The following ADAMTSL1 variants were observed in gnomAD, a reference collection of about 807,000 sequenced individuals.
ADAMTSL1 encodes the protein ADAMTS-like protein 1.
In ADAMTSL1, 126 loss-of-function variants were observed where a neutral mutation model predicts 201.8. The observed-to-expected ratio is 0.62, with a 90% CI of 0.54 to 0.72. The LOEUF is 0.72. ADAMTSL1 is among the 30% of genes least tolerant of loss of function. The probability of loss-of-function intolerance (pLI) is 0.00; values close to 1 mark genes in which losing one functional copy is unlikely to be tolerated. For synonymous variants in ADAMTSL1, 1,121 were observed against 903.4 expected (o/e 1.24, Z -4.32); for missense variants, 2,679 against 2,277.8 (o/e 1.18, Z -3.59).
chr9:18,574,298 C>G (rs1481633372), intron 4 of ADAMTSL1, 32 bp downstream of exon 4: 3 of 1,567,746 alleles, frequency 1.9e-6, no homozygotes, highest in Non-Finnish European at 2.6e-6. Flanking sequence ...TTCAACTTGT[C>G]CAGAGGGTTT....
chr9:18,625,452 A>G (rs932494047), intron 5 of ADAMTSL1, among the ~76,000 whole-genome samples: 1 of 152,088 alleles, frequency 6.6e-6, no homozygotes, highest in Admixed American at 6.6e-5. Context: ...AGACATTACA[A>G]TTGCCTAATA....
intron 26 of ADAMTSL1, among the ~76,000 whole-genome samples, chr9:18,897,706 T>A (rs72692474): frequency 6.6e-6 from 1 of 152,028 alleles, no homozygotes; most frequent in African/African-American, 2.4e-5. Flanking sequence ...CATTCAAAGG[T>A]CAGCAACCTC....
chr9:18,410,822 T>A (rs542167136), intron 2 of ADAMTSL1, among the ~76,000 whole-genome samples: 2 of 150,932 alleles, frequency 1.3e-5, no homozygotes, highest in East Asian at 3.9e-4. Flanking sequence ...TTTAATCGAC[T>A]GGTAGATTTT....
chr9:17,946,280 T>C (rs1415427819), intron 1 of ADAMTSL1, among the ~76,000 whole-genome samples: 2 of 152,020 alleles, frequency 1.3e-5, no homozygotes, highest in East Asian at 3.9e-4. Context: ...ATTACAGGCT[T>C]GAACCATCAT....
intron 13 of ADAMTSL1, among the ~76,000 whole-genome samples, chr9:18,701,977 T>C (rs1003101669): frequency 7.9e-5 from 12 of 152,190 alleles, no homozygotes; most frequent in South Asian, 2.1e-4. Context: ...TAATTGGACT[T>C]ACAGTTCCAT....
At chr9:18,622,130 T>C in intron 4 of ADAMTSL1, 113 bp from the exon 5 acceptor site, 2 of 1,363,990 alleles carry the variant, frequency 1.5e-6, no homozygotes, top group Non-Finnish European at 1.0e-6. Context: ...TCACGGGGTA[T>C]GTTTTAGGCC....
intron 7 of ADAMTSL1, among the ~76,000 whole-genome samples, chr9:18,649,810 C>G (rs1052003005): frequency 6.6e-6 from 1 of 152,120 alleles, no homozygotes; most frequent in Non-Finnish European, 1.5e-5. Context: ...TGGGGGGTGC[C>G]TCCCAGTTAG....
At chr9:17,949,809 AG>A (rs1210107111) in intron 1 of ADAMTSL1, among the ~76,000 whole-genome samples, 2 of 152,180 alleles carry the variant, frequency 1.3e-5, no homozygotes, top group African/African-American at 4.8e-5. Flanking sequence ...GTGGATTTCC[AG>A]GTCTGTGACA....
At chr9:18,601,491 T>A (rs1009955550) in intron 4 of ADAMTSL1, among the ~76,000 whole-genome samples, 6 of 152,128 alleles carry the variant, frequency 3.9e-5, no homozygotes, top group Non-Finnish European at 7.4e-5. Flanking sequence ...GGGAAGAGAG[T>A]CTGGCCTAGT....
At chr9:18,545,308 A>G (rs1428376145) in intron 3 of ADAMTSL1, among the ~76,000 whole-genome samples, 1 of 152,178 alleles carries the variant, frequency 6.6e-6, no homozygotes, top group Non-Finnish European at 1.5e-5. Context: ...ACAGCTAAGG[A>G]GTGGTCCTGT....
At chr9:18,510,526 G>A (rs1353472375) in intron 2 of ADAMTSL1, among the ~76,000 whole-genome samples, 2 of 152,066 alleles carry the variant, frequency 1.3e-5, no homozygotes, top group Non-Finnish European at 2.9e-5. Context: ...CTTTTTCTGA[G>A]GTTTGCAGAA....
intron 1 of ADAMTSL1, among the ~76,000 whole-genome samples, chr9:18,495,963 C>CAA (rs1313771789): frequency 1.1e-4 from 16 of 152,152 alleles, no homozygotes; most frequent in African/African-American, 3.6e-4. Flanking sequence ...TATTTCCAGG[C>CAA]ATTTCATCAT....
At chr9:18,561,024 T>C (rs7465974) in intron 3 of ADAMTSL1, among the ~76,000 whole-genome samples, 38,764 of 151,836 alleles carry the variant, frequency 0.26, 5,726 homozygotes, top group Admixed American at 0.35. Flanking sequence ...GCCCTGATCT[T>C]AGTTATTTCT....
chr9:18,044,660 G>T (rs1451541392), intron 1 of ADAMTSL1, among the ~76,000 whole-genome samples: 2 of 152,172 alleles, frequency 1.3e-5, no homozygotes, highest in Non-Finnish European at 2.9e-5. Flanking sequence ...AAACTGCCAG[G>T]TGAAGCCAGA....
intron 14 of ADAMTSL1, among the ~76,000 whole-genome samples, chr9:18,713,824 T>C (rs1832750969): frequency 6.8e-6 from 1 of 146,630 alleles, no homozygotes; most frequent in African/African-American, 2.5e-5. Flanking sequence ...CCACACCTAT[T>C]CCAAAATTGA....
At position 18,802,277 on chromosome 9, in the gene ADAMTSL1, C is replaced by CA. The variant is rs374051402; in HGVS notation, c.3805+6761dup. Among the ~76,000 whole-genome samples, 73 of 151,324 alleles carry CA rather than the reference C, an allele frequency of 4.8e-4. 1 individual carries two copies. The highest frequency in any genetic ancestry group is 1.3e-3 in the African/African-American group (54 of 41,260). The stretch of plus-strand genomic sequence containing the variant: ...CAGAGTAAGACCCTGTCTCCAAAAA[C>CA]AAAAAAAACAGGAGTTGTGCATCCA... On this transcript the variant is annotated intron_variant, in intron 20 of 28. Coordinates refer to ENST00000380548, the MANE Select transcript of ADAMTSL1 (RefSeq NM_001040272.6).
In ADAMTSL1 at chr9:18,584,751, T is replaced by C. The variant is rs190156870; in HGVS notation, c.474+10485T>C. ...TTGCCTTGTGAATCAGTGGACTGAG[T>C]TGGGAAAATTTACTCAGTATTGGTG... On this transcript the variant is annotated intron_variant, in intron 4 of 28. Transcript: ENST00000380548. Among the ~76,000 whole-genome samples, 263 of 152,070 alleles carry C rather than the reference T, an allele frequency of 1.7e-3. 6 individuals are homozygous for C. The South Asian group carries it at 0.05, about 29-fold the overall frequency.
chr9:18,753,550 A>G, intron 16 of ADAMTSL1, 42 bp downstream of exon 16: 1 of 1,568,478 alleles, frequency 6.4e-7, no homozygotes, highest in Non-Finnish European at 8.6e-7. Context: ...TTTGTTTGCA[A>G]CAGTGACTCA....
chr9:18,437,371 A>T (rs1489860760), intron 2 of ADAMTSL1, among the ~76,000 whole-genome samples: 1 of 152,096 alleles, frequency 6.6e-6, no homozygotes, highest in Non-Finnish European at 1.5e-5. Flanking sequence ...AGTTTTGTTC[A>T]GAGTCTGATT....
Sources: gnomAD v4.1 joint callset for allele counts (sites outside exome capture counted in the v4.1 genomes callset) on GRCh38, gnomAD v4.1.1 for gene constraint, MANE v1.5 for transcripts, NCBI Gene and HGNC (gene_info 2026-07-23, HGNC 2026-07-21) for gene names.